The following SLIT2 variants were observed in gnomAD, a reference collection of about 807,000 sequenced individuals.
The protein encoded by SLIT2 is slit guidance ligand 2, also known as slit homolog 2 protein.
SLIT2 carries 41 observed loss-of-function variants against 185.7 expected under a neutral mutation model. That is an observed-to-expected ratio of 0.22 (90% confidence interval 0.17 to 0.29). SLIT2 has a LOEUF of 0.29. Among genes scored for constraint, SLIT2 ranks in the 10% least tolerant of loss-of-function variants. The pLI, the probability that SLIT2 is intolerant of heterozygous loss-of-function variation, is 1.00. For synonymous variants in SLIT2, 693 were observed against 680.2 expected, an observed-to-expected ratio of 1.02 and a Z score of -0.29; for missense variants, 1,571 against 1,909.0, an observed-to-expected ratio of 0.82 and a Z score of 3.30.
At chr4:20,449,402 T>C (rs985780799) in intron 4 of SLIT2, among the ~76,000 whole-genome samples, 3 of 152,118 alleles carry the variant, frequency 2.0e-5, no homozygotes, top group African/African-American at 7.2e-5. Flanking sequence ...AAACAGGGTT[T>C]TTGTTTTGTT....
intron 4 of SLIT2, among the ~76,000 whole-genome samples, chr4:20,283,245 A>T (rs1281042073): frequency 6.6e-6 from 1 of 152,116 alleles, no homozygotes; most frequent in African/African-American, 2.4e-5. Flanking sequence ...TCCTTTGTGG[A>T]ACACCTGCTG....
intron 4 of SLIT2, among the ~76,000 whole-genome samples, chr4:20,398,704 T>C (rs993850364): frequency 8.6e-5 from 13 of 151,840 alleles, no homozygotes; most frequent in Admixed American, 4.6e-4. Flanking sequence ...ATATTGATTC[T>C]AGGTTTTAAT....
At chr4:20,516,034 C>T (rs936717088) in intron 11 of SLIT2, among the ~76,000 whole-genome samples, 5 of 152,192 alleles carry the variant, frequency 3.3e-5, no homozygotes, top group Non-Finnish European at 7.3e-5. Context: ...CCAGGCTGGT[C>T]TTGAACTCCT....
intron 4 of SLIT2, among the ~76,000 whole-genome samples, chr4:20,359,576 C>CT (rs1253943752): frequency 6.6e-6 from 1 of 151,976 alleles, no homozygotes; most frequent in Non-Finnish European, 1.5e-5. Context: ...TTACCTTTGT[C>CT]TAGGGATCTT....
In SLIT2 at chr4:20,410,342, A is replaced by G. The variant is rs372171584; in HGVS notation, c.396-57410A>G. On this transcript the variant is annotated intron_variant, in intron 4 of 36. Transcript: ENST00000504154. ...TGGTTCACTGCAACCTCCGCCTCCC[A>G]GGTTCAAGCGATTCTACTGCCTCAG... 1.6e-3 allele frequency among the ~76,000 whole-genome samples: 212 copies of G among 131,908 alleles called. 1 individual carries two copies. The highest frequency in any genetic ancestry group is 6.0e-3 in the African/African-American group (205 of 34,446). 86.5% of individuals were successfully genotyped at this position (131,908 alleles called of 152,430 possible). A position where few individuals can be genotyped will look rare whatever the true frequency, so the allele number is the denominator to read the frequency against.
intron 4 of SLIT2, among the ~76,000 whole-genome samples, chr4:20,287,006 C>A (rs1175843459): frequency 2.0e-5 from 3 of 152,136 alleles, no homozygotes; most frequent in Non-Finnish European, 2.9e-5. Context: ...CTTTCTAGGG[C>A]TAGTAAATAA....
At chr4:20,322,532 T>C (rs1177132537) in intron 4 of SLIT2, among the ~76,000 whole-genome samples, 1 of 152,176 alleles carries the variant, frequency 6.6e-6, no homozygotes, top group African/African-American at 2.4e-5. Context: ...AGGTTTTTCA[T>C]AATTTTGAGT....
In SLIT2 at chr4:20,455,870, G is replaced by T. The variant is rs184359054; in HGVS notation, c.396-11882G>T. 3.7e-4 allele frequency among the ~76,000 whole-genome samples: 57 copies of T among 152,114 alleles called. No individual in the cohort carries two copies. The East Asian group carries it at 9.3e-3, about 25-fold the overall frequency. ...CTCGGCCATTTTCTTGTGAAGATTT[G>T]ATGTTTTACAGTTTTATTTATGAAG... On this transcript the variant is annotated intron_variant, in intron 4 of 36. Transcript: ENST00000504154.
At chr4:20,541,679 C>A (rs1722810786) in intron 20 of SLIT2, 60 bp downstream of exon 20, 1 of 1,395,062 alleles carries the variant, frequency 7.2e-7, no homozygotes, top group Non-Finnish European at 1.0e-6. Context: ...TCTGATGCAG[C>A]TTTGCACAAA....
intron 29 of SLIT2, among the ~76,000 whole-genome samples, chr4:20,571,497 C>T (rs1725600990): frequency 6.6e-6 from 1 of 152,140 alleles, no homozygotes. Context: ...TTTCTAACAA[C>T]CATCTGCGGA....
chr4:20,369,114 T>C (rs1723363032), intron 4 of SLIT2, among the ~76,000 whole-genome samples: 1 of 152,076 alleles, frequency 6.6e-6, no homozygotes, highest in African/African-American at 2.4e-5. Context: ...TCTAAGTGAG[T>C]CCACATTCCT....
At chr4:20,382,664 T>TAAATAGAA (rs1349292544) in intron 4 of SLIT2, among the ~76,000 whole-genome samples, 1 of 152,044 alleles carries the variant, frequency 6.6e-6, no homozygotes, top group African/African-American at 2.4e-5. Context: ...AAGTTTCAAA[T>TAAATAGAA]AAATAGAAAA....
At chr4:20,522,110 C>G (rs73252462) in intron 12 of SLIT2, among the ~76,000 whole-genome samples, 14 of 152,042 alleles carry the variant, frequency 9.2e-5, no homozygotes, top group Non-Finnish European at 1.6e-4. Context: ...TATAATAACA[C>G]GCTTCAGACC....
chr4:20,403,410 G>A lies in SLIT2; in HGVS notation c.396-64342G>A, dbSNP rs1361574714. Among the ~76,000 whole-genome samples the A allele has an allele frequency of 3.9e-5, 6 of 151,944 alleles. No individual in the cohort carries two copies. The East Asian group carries it at 5.8e-4, about 15-fold the overall frequency. On this transcript the variant is annotated intron_variant, in intron 4 of 36. Transcript: ENST00000504154. ...TTGAATTTCACTTTTTTGAACCTCCGTTGCTGGGGCATTGGTTGCTGGATT... is the reference window on the plus strand; with the variant it reads ...TTGAATTTCACTTTTTTGAACCTCCATTGCTGGGGCATTGGTTGCTGGATT...
intron 32 of SLIT2, among the ~76,000 whole-genome samples, chr4:20,597,302 A>C (rs1386570296): frequency 6.6e-6 from 1 of 152,010 alleles, no homozygotes; most frequent in East Asian, 1.9e-4. Context: ...TCCTAACCTC[A>C]TGTGATCTAC....
intron 4 of SLIT2, among the ~76,000 whole-genome samples, chr4:20,361,859 C>T (rs553469830): frequency 4.6e-5 from 7 of 152,158 alleles, no homozygotes; most frequent in African/African-American, 1.7e-4. Flanking sequence ...AAAGCATTCA[C>T]ATTTTTTGGG....
chr4:20,325,238 G>A (rs1719466336), intron 4 of SLIT2, among the ~76,000 whole-genome samples: 1 of 151,690 alleles, frequency 6.6e-6, no homozygotes, highest in Admixed American at 6.6e-5. Flanking sequence ...TCTTACTTCT[G>A]CTCAAGGGAA....
Position 20,293,928 on chromosome 4 carries a change from C to CT in SLIT2, c.395+25059dup, listed in dbSNP as rs568979024. On this transcript the variant is annotated intron_variant, in intron 4 of 36. Transcript: ENST00000504154. ...GTCCACGGACACCAATCCTTTTTTACTTTTTTTTTTTTCTACCATTTCATG... is the reference window on the plus strand; with the variant it reads ...GTCCACGGACACCAATCCTTTTTTACTTTTTTTTTTTTTCTACCATTTCATG... Among the ~76,000 whole-genome samples, 669 of 146,232 alleles carry CT rather than the reference C, an allele frequency of 4.6e-3. 9 individuals are homozygous for CT. The highest frequency in any genetic ancestry group is 0.014 in the African/African-American group (569 of 40,246).
At chr4:20,473,825 G>C (rs1033748822) in intron 5 of SLIT2, among the ~76,000 whole-genome samples, 3 of 152,026 alleles carry the variant, frequency 2.0e-5, no homozygotes, top group Admixed American at 2.0e-4. Flanking sequence ...AGAGAAAAGA[G>C]GGTATGTAAA....
Sources: allele counts gnomAD v4.1 joint callset (sites outside exome capture counted in the v4.1 genomes callset), GRCh38; gene constraint gnomAD v4.1.1; transcripts MANE v1.5; gene names NCBI Gene and HGNC (gene_info 2026-07-23, HGNC 2026-07-21).